Variants in PDZRN4 observed in about 807,000 individuals in gnomAD.
PDZRN4 encodes PDZ domain-containing RING finger protein 4.
In PDZRN4, 70 loss-of-function variants were observed where a neutral mutation model predicts 99.0. The observed-to-expected ratio is 0.71, with a 90% CI of 0.58 to 0.86. The LOEUF (loss-of-function observed/expected upper bound fraction) is 0.86, where lower values mean the gene tolerates loss of function less well. PDZRN4 is among the 40% of genes least tolerant of loss of function. The pLI is 0.00. For synonymous variants in PDZRN4, 551 were observed against 501.6 expected (o/e 1.10, Z -1.32); for missense variants, 1,474 against 1,331.2 (o/e 1.11, Z -1.67).
At chr12:41,426,218 T>C (rs922617701) in intron 3 of PDZRN4, among the ~76,000 whole-genome samples, 8 of 152,336 alleles carry the variant, frequency 5.3e-5, no homozygotes, top group African/African-American at 1.9e-4. Context: ...TCTTTGCCTG[T>C]CACCAACAGC....
At chr12:41,548,952 A>G (rs1440368386) in intron 5 of PDZRN4, among the ~76,000 whole-genome samples, 2 of 152,170 alleles carry the variant, frequency 1.3e-5, no homozygotes, top group Non-Finnish European at 2.9e-5. Context: ...TTCTCACAAT[A>G]TTAGATGCTG....
intron 3 of PDZRN4, among the ~76,000 whole-genome samples, chr12:41,388,223 A>G (rs1952185491): frequency 6.6e-6 from 1 of 152,164 alleles, no homozygotes; most frequent in Non-Finnish European, 1.5e-5. Flanking sequence ...CAATAGAGGG[A>G]ACAACACACG....
intron 5 of PDZRN4, among the ~76,000 whole-genome samples, chr12:41,533,118 A>C (rs996907799): frequency 1.3e-5 from 2 of 151,666 alleles, no homozygotes; most frequent in Non-Finnish European, 2.9e-5. Flanking sequence ...AGGATCATGA[A>C]TTGAGGTACA....
chr12:41,276,727 G>C (rs1056298237), intron 3 of PDZRN4, among the ~76,000 whole-genome samples: 1 of 152,162 alleles, frequency 6.6e-6, no homozygotes. Context: ...ATAGAAGGTA[G>C]TCATACTATT....
chr12:41,294,829 A>G (rs1951480360), intron 3 of PDZRN4, among the ~76,000 whole-genome samples: 1 of 152,198 alleles, frequency 6.6e-6, no homozygotes, highest in African/African-American at 2.4e-5. Context: ...ACATAGAAGA[A>G]CAACTCAGGA....
intron 3 of PDZRN4, among the ~76,000 whole-genome samples, chr12:41,286,819 C>T (rs1951425666): frequency 6.6e-6 from 1 of 152,126 alleles, no homozygotes; most frequent in Admixed American, 6.5e-5. Flanking sequence ...ATGACACACA[C>T]CCCATACATG....
chr12:41,431,434 A>G (rs1316116988), intron 3 of PDZRN4, among the ~76,000 whole-genome samples: 1 of 152,202 alleles, frequency 6.6e-6, no homozygotes, highest in Admixed American at 6.5e-5. Flanking sequence ...GACTTGACCC[A>G]GGGCACACTG....
chr12:41,194,314 G>A (rs1432523072), intron 3 of PDZRN4, 126 bp downstream of exon 3: 5 of 641,070 alleles, frequency 7.8e-6, no homozygotes, highest in South Asian at 1.8e-5. Flanking sequence ...AGCAGTAAAG[G>A]CATTATCATT....
At chr12:41,498,084 C>T (rs1938041270) in intron 3 of PDZRN4, among the ~76,000 whole-genome samples, 1 of 151,770 alleles carries the variant, frequency 6.6e-6, no homozygotes, top group African/African-American at 2.4e-5. Flanking sequence ...ACCTAGGCTC[C>T]CCAAATTTTA....
chr12:41,215,612 G>A (rs1422715953), intron 3 of PDZRN4, among the ~76,000 whole-genome samples: 3 of 151,982 alleles, frequency 2.0e-5, no homozygotes, highest in African/African-American at 4.8e-5. Flanking sequence ...AACCTCAACA[G>A]ATTGTCTGCC....
chr12:41,314,350 A>G (rs1457791997), intron 3 of PDZRN4, among the ~76,000 whole-genome samples: 2 of 152,178 alleles, frequency 1.3e-5, no homozygotes, highest in Non-Finnish European at 2.9e-5. Context: ...TCAGCTAAGT[A>G]TTAGGCACTC....
chr12:41,440,064 C>T (rs905339951), intron 3 of PDZRN4, among the ~76,000 whole-genome samples: 2 of 152,084 alleles, frequency 1.3e-5, no homozygotes, highest in Non-Finnish European at 2.9e-5. Context: ...TGTTCTTAAC[C>T]AGGTGTTCAG....
At chr12:41,216,203 C>T (rs1950919928) in intron 3 of PDZRN4, among the ~76,000 whole-genome samples, 1 of 151,818 alleles carries the variant, frequency 6.6e-6, no homozygotes, top group Non-Finnish European at 1.5e-5. Context: ...TTGTTCTGGA[C>T]ATTATAGAGA....
At chr12:41,204,270 A>G (rs1014420124) in intron 3 of PDZRN4, among the ~76,000 whole-genome samples, 1 of 151,948 alleles carries the variant, frequency 6.6e-6, no homozygotes, top group Non-Finnish European at 1.5e-5. Flanking sequence ...AAGTCATTTG[A>G]TGGTATTGGT....
chr12:41,573,363 G>T lies in PDZRN4; in HGVS notation c.2584G>T (p.Ala862Ser). ...SYMQLIQQKS[A>S]VEYAQSQLSL... ...CATGCAGTTAATTCAACAGAAATCT[G>T]CAGTCGAGTATGCTCAGAGTCAGCT... is the stretch of plus-strand genomic sequence containing the variant. Residue 862 changes from alanine to serine, a missense_variant, in exon 10 of 10, where the codon GCA (alanine) becomes TCA (serine). Coordinates refer to ENST00000402685, the MANE Select transcript of PDZRN4 (RefSeq NM_001164595.2). 6.2e-7 allele frequency: 1 copy of T among 1,613,266 alleles called. No individual in the cohort carries two copies. The highest frequency in any genetic ancestry group is 8.5e-7 in the Non-Finnish European group (1 of 1,180,004).
intron 3 of PDZRN4, among the ~76,000 whole-genome samples, chr12:41,342,288 G>T (rs1055989747): frequency 1.3e-5 from 2 of 151,736 alleles, no homozygotes; most frequent in African/African-American, 2.4e-5. Flanking sequence ...ACAGTGGGCT[G>T]GGTAAGGATT....
At chr12:41,426,098 GCTTCT>G (rs1160486129) in intron 3 of PDZRN4, among the ~76,000 whole-genome samples, 3 of 152,184 alleles carry the variant, frequency 2.0e-5, no homozygotes, top group African/African-American at 7.2e-5. Flanking sequence ...AATGTATAAT[GCTTCT>G]TAGTTAAGCT....
At chr12:41,266,509 G>C (rs190378188) in intron 3 of PDZRN4, among the ~76,000 whole-genome samples, 25 of 152,216 alleles carry the variant, frequency 1.6e-4, no homozygotes, top group Admixed American at 5.2e-4. Flanking sequence ...CAAATATGAA[G>C]CAGGAAGCTA....
chr12:41,497,461 T>G (rs1304478220), intron 3 of PDZRN4, among the ~76,000 whole-genome samples: 1 of 152,098 alleles, frequency 6.6e-6, no homozygotes, highest in Non-Finnish European at 1.5e-5. Flanking sequence ...TGAATAGGTT[T>G]ATTAATAATC....
Sources: allele counts gnomAD v4.1 joint callset (sites outside exome capture counted in the v4.1 genomes callset), GRCh38; gene constraint gnomAD v4.1.1; transcripts MANE v1.5; gene names NCBI Gene and HGNC (gene_info 2026-07-23, HGNC 2026-07-21).